UQCC1: variants seen among roughly 807,000 people sequenced by gnomAD.
UQCC1 encodes ubiquinol-cytochrome c reductase complex assembly factor 1.
In UQCC1, 38 loss-of-function variants were observed where a neutral mutation model predicts 48.0. That is an observed-to-expected ratio of 0.79 (90% CI 0.61 to 1.04). The LOEUF is 1.04. Among genes scored for constraint, UQCC1 ranks in the 50% least tolerant of loss-of-function variants. The pLI is 0.00. For missense variants in UQCC1, 368 were observed against 381.8 expected (o/e 0.96, Z 0.30); for synonymous variants, 111 against 129.2 (o/e 0.86, Z 0.95).
At chr20:35,318,499 A>G (rs1466869714) in intron 7 of UQCC1, among the ~76,000 whole-genome samples, 3 of 152,238 alleles carry the variant, frequency 2.0e-5, no homozygotes, top group Admixed American at 6.5e-5. Flanking sequence ...GCTACTGCCC[A>G]GGAAAAACGG....
At chr20:35,410,777 ACC>A (rs2062350168) in intron 1 of UQCC1, among the ~76,000 whole-genome samples, 1 of 141,784 alleles carries the variant, frequency 7.1e-6, no homozygotes, top group African/African-American at 2.6e-5. Context: ...AAAAAAAAAA[ACC>A]ACTAAATTCA....
At chr20:35,406,690 A>T (rs1013198340) in intron 1 of UQCC1, among the ~76,000 whole-genome samples, 2 of 152,228 alleles carry the variant, frequency 1.3e-5, no homozygotes, top group African/African-American at 4.8e-5. Context: ...CTGTTTAGGT[A>T]AATAAAAAAT....
At chr20:35,306,291 G>C (rs1033134761) in intron 9 of UQCC1, among the ~76,000 whole-genome samples, 2 of 152,178 alleles carry the variant, frequency 1.3e-5, no homozygotes, top group East Asian at 3.9e-4. Context: ...AGTGGGTAGA[G>C]AAGGGGTCCA....
At chr20:35,340,167 G>C (rs2061361419) in intron 7 of UQCC1, among the ~76,000 whole-genome samples, 1 of 152,164 alleles carries the variant, frequency 6.6e-6, no homozygotes, top group African/African-American at 2.4e-5. Context: ...CACCCTGACT[G>C]TATGCACCTA....
chr20:35,368,185 T>C (rs1025523970), intron 5 of UQCC1, among the ~76,000 whole-genome samples: 1 of 152,142 alleles, frequency 6.6e-6, no homozygotes, highest in Admixed American at 6.6e-5. Flanking sequence ...ATGTACTAAA[T>C]GATAACAAAG....
chr20:35,307,672 C>T (rs1178557662), intron 8 of UQCC1, among the ~76,000 whole-genome samples: 1 of 152,176 alleles, frequency 6.6e-6, no homozygotes, highest in Admixed American at 6.5e-5. Context: ...CCTAATTCCA[C>T]CTCTGCCAAG....
chr20:35,366,494 C>A, intron 6 of UQCC1, 63 bp downstream of exon 6: 3 of 1,462,310 alleles, frequency 2.1e-6, no homozygotes, highest in Non-Finnish European at 1.9e-6. Context: ...GAAGGCTATA[C>A]CTTACAAGTC....
intron 5 of UQCC1, among the ~76,000 whole-genome samples, chr20:35,370,786 T>C (rs2061721400): frequency 6.6e-6 from 1 of 152,212 alleles, no homozygotes; most frequent in Non-Finnish European, 1.5e-5. Flanking sequence ...CATTTAAATA[T>C]AACAAAATAC....
At chr20:35,343,980 G>A (rs182729081) in intron 7 of UQCC1, 5 of 152,266 alleles carry the variant, frequency 3.3e-5, no homozygotes, top group Admixed American at 2.6e-4. Context: ...AAAAACGGCT[G>A]GATAAAATGC....
intron 6 of UQCC1, among the ~76,000 whole-genome samples, chr20:35,363,323 C>T (rs17092595): frequency 0.015 from 2,207 of 152,162 alleles, 50 homozygotes; most frequent in African/African-American, 0.049. Flanking sequence ...ATCAAGTCCA[C>T]GTGGGGATGC....
chr20:35,343,125 T>A (rs2061398198), intron 7 of UQCC1, among the ~76,000 whole-genome samples: 1 of 152,202 alleles, frequency 6.6e-6, no homozygotes, highest in South Asian at 2.1e-4. Context: ...GAAAAATCAC[T>A]ACTACATTGA....
At chr20:35,399,923 T>TC (rs2062137335) in intron 1 of UQCC1, among the ~76,000 whole-genome samples, 1 of 137,930 alleles carries the variant, frequency 7.3e-6, no homozygotes, top group African/African-American at 2.8e-5. Context: ...CTCTACTCAG[T>TC]CCTTTTTTTT....
intron 2 of UQCC1, among the ~76,000 whole-genome samples, chr20:35,393,065 T>C (rs1382775917): frequency 6.6e-6 from 1 of 151,936 alleles, no homozygotes; most frequent in Non-Finnish European, 1.5e-5. Context: ...TCTTACCCAA[T>C]TTATTTAAGT....
chr20:35,402,301 G>A (rs977233814), intron 1 of UQCC1, among the ~76,000 whole-genome samples: 4 of 152,064 alleles, frequency 2.6e-5, no homozygotes, highest in African/African-American at 4.8e-5. Flanking sequence ...AATATAGGCC[G>A]GGCGCGGTGG....
chr20:35,359,310 GAAGA>G (rs2061580351), intron 6 of UQCC1, among the ~76,000 whole-genome samples: 2 of 152,224 alleles, frequency 1.3e-5, no homozygotes, highest in African/African-American at 2.4e-5. Flanking sequence ...GCACGGTAGA[GAAGA>G]AAGAAGCTGG....
intron 7 of UQCC1, among the ~76,000 whole-genome samples, chr20:35,328,036 C>G (rs2061216355): frequency 6.8e-6 from 1 of 147,970 alleles, no homozygotes; most frequent in South Asian, 2.1e-4. Flanking sequence ...AAGCATGGAA[C>G]TGACACAGCC....
intron 8 of UQCC1, among the ~76,000 whole-genome samples, chr20:35,311,880 GT>G (rs1568647723): frequency 6.6e-6 from 1 of 152,184 alleles, no homozygotes; most frequent in African/African-American, 2.4e-5. Context: ...CGGGTGACTT[GT>G]TGAACCACCA....
chr20:35,347,204 A>T lies in UQCC1; in HGVS notation c.533T>A (p.Phe178Tyr). 1 of 1,614,086 alleles carries T rather than the reference A, an allele frequency of 6.2e-7. No individual in the cohort carries two copies. Among genetic ancestry groups the T allele is most frequent in the East Asian group, 2.2e-5 (1 of 44,874 alleles). The change falls in exon 7 of 10, where the codon TTT becomes TAT. Residue 178 changes from phenylalanine (F) to tyrosine (Y), a missense_variant. Phe to Tyr is a conservative substitution (Grantham distance 22, BLOSUM62 3). Coordinates refer to ENST00000374385, the MANE Select transcript of UQCC1 (RefSeq NM_018244.5). ...GKYMCRIIVHFMWEDVQQRGR... is the reference protein window; with the variant it reads ...GKYMCRIIVHYMWEDVQQRGR... ...GCGCTGCTGAACATCCTCCCACATA[A>T]AATGAACTATGATACGACACATGTA...
At chr20:35,365,219 A>G in intron 6 of UQCC1, among the ~76,000 whole-genome samples, 1 of 152,336 alleles carries the variant, frequency 6.6e-6, no homozygotes, top group East Asian at 1.9e-4. Flanking sequence ...TATTTATTAT[A>G]TAACTTAGGC....
Sources: allele counts gnomAD v4.1 joint callset (sites outside exome capture counted in the v4.1 genomes callset), GRCh38; gene constraint gnomAD v4.1.1; transcripts MANE v1.5; gene names NCBI Gene and HGNC (gene_info 2026-07-23, HGNC 2026-07-21).